RIMS1: variants seen among roughly 807,000 people sequenced by gnomAD.
RIMS1 encodes the protein regulating synaptic membrane exocytosis 1.
A neutral mutation model predicts 214.1 loss-of-function variants in RIMS1; 83 were observed. The observed-to-expected ratio is 0.39, with a 90% CI of 0.32 to 0.47. The LOEUF is 0.47. RIMS1 is among the 20% of genes least tolerant of loss of function. The probability of loss-of-function intolerance (pLI) is 0.99; values close to 1 mark genes in which losing one functional copy is unlikely to be tolerated. For synonymous variants in RIMS1, 793 were observed against 786.8 expected, an observed-to-expected ratio of 1.01 and a Z score of -0.13; for missense variants, 2,050 against 2,161.8, an observed-to-expected ratio of 0.95 and a Z score of 1.03.
chr6:72,247,853 A>G (rs1262050687), intron 11 of RIMS1, among the ~76,000 whole-genome samples, 162 bp from the exon 12 acceptor site: 1 of 152,156 alleles, frequency 6.6e-6, no homozygotes, highest in African/African-American at 2.4e-5. Flanking sequence ...CATTCTTAAT[A>G]TTTTTTAAAT....
rs3047577 is a variant in RIMS1, at chr6:72,196,377, GTCTATCTATCTATCTATCTA to G, written c.1678+13253_1678+13272del. Among the ~76,000 whole-genome samples the G allele has an allele frequency of 5.6e-5, 8 of 144,090 alleles. No homozygotes were observed. The East Asian group carries it at 8.0e-4, about 14-fold the overall frequency. 94.5% of individuals were successfully genotyped at this position (144,090 alleles called of 152,430 possible). A position where few individuals can be genotyped will look rare whatever the true frequency, so the allele number is the denominator to read the frequency against. On this transcript the variant is annotated intron_variant, in intron 6 of 33. Coordinates refer to ENST00000521978, the MANE Select transcript of RIMS1 (RefSeq NM_014989.7). ...TGTCTGTCTGTCTGTCTGTCTGTCT[GTCTATCTATCTATCTATCTA>G]TCTATCTATCTATCTATCTATCTAA...
chr6:72,170,142 A>G (rs908213905), intron 4 of RIMS1, among the ~76,000 whole-genome samples: 1 of 152,160 alleles, frequency 6.6e-6, no homozygotes, highest in African/African-American at 2.4e-5. Flanking sequence ...TGCTGTTTTT[A>G]CAGCCTGAGA....
chr6:72,346,498 C>T (rs985640950), intron 29 of RIMS1, among the ~76,000 whole-genome samples: 1 of 151,718 alleles, frequency 6.6e-6, no homozygotes, highest in Non-Finnish European at 1.5e-5. Flanking sequence ...TGTAAACAAA[C>T]ATGAAAGATG....
chr6:72,251,427 G>A, intron 15 of RIMS1, 59 bp downstream of exon 15: 1 of 1,227,332 alleles, frequency 8.1e-7, no homozygotes, highest in Non-Finnish European at 1.1e-6. Flanking sequence ...TCTAATTAGT[G>A]ATTAATAATT....
intron 2 of RIMS1, among the ~76,000 whole-genome samples, chr6:72,010,232 A>G (rs1230928080): frequency 6.6e-6 from 1 of 152,220 alleles, no homozygotes. Flanking sequence ...AAAAAAACAC[A>G]TGATTATCTC....
At chr6:71,940,511 T>A (rs1411711763) in intron 1 of RIMS1, among the ~76,000 whole-genome samples, 1 of 152,074 alleles carries the variant, frequency 6.6e-6, no homozygotes. Context: ...TGCCCACAAG[T>A]AAAGTGTGGT....
intron 2 of RIMS1, among the ~76,000 whole-genome samples, chr6:72,017,615 T>A (rs1407929539): frequency 2.6e-5 from 4 of 152,340 alleles, no homozygotes; most frequent in African/African-American, 7.2e-5. Flanking sequence ...TATTGGAAAC[T>A]GTTCTGGATT....
intron 4 of RIMS1, among the ~76,000 whole-genome samples, chr6:72,144,377 G>A (rs1199923333): frequency 6.6e-6 from 1 of 152,174 alleles, no homozygotes; most frequent in Non-Finnish European, 1.5e-5. Flanking sequence ...TAAAGAATGT[G>A]TCTCCTGTCT....
chr6:72,182,398 G>C lies in RIMS1; in HGVS notation c.927G>C (p.Glu309Asp). ...TGGAGGGGGCCGTCGAAGAACGGGAGCGCAAAGAAAGGCGGGAAAGCCGAA... is the reference window on the plus strand; with the variant it reads ...TGGAGGGGGCCGTCGAAGAACGGGACCGCAAAGAAAGGCGGGAAAGCCGAA... ...QPVEGAVEERERKERRESRRL... is the reference protein window; with the variant it reads ...QPVEGAVEERDRKERRESRRL... The change falls in exon 6 of 34, where the codon GAG becomes GAC. Residue 309 changes from glutamate (E) to aspartate (D), a missense_variant. Physicochemically the swap from Glu to Asp is conservative, Grantham distance 45. Coordinates refer to ENST00000521978, the MANE Select transcript of RIMS1 (RefSeq NM_014989.7). The C allele has an allele frequency of 1.2e-6, 2 of 1,613,954 alleles. No individual in the cohort carries two copies. The highest frequency in any genetic ancestry group is 2.2e-5 in the East Asian group (1 of 44,880).
At chr6:72,065,335 T>C (rs1829020515) in intron 2 of RIMS1, among the ~76,000 whole-genome samples, 1 of 152,174 alleles carries the variant, frequency 6.6e-6, no homozygotes, top group African/African-American at 2.4e-5. Context: ...CAACATCCCA[T>C]CGATATCTGC....
intron 29 of RIMS1, among the ~76,000 whole-genome samples, chr6:72,339,255 C>T (rs529151416): frequency 6.6e-6 from 1 of 151,380 alleles, no homozygotes; most frequent in African/African-American, 2.4e-5. Context: ...GGGAAGAGTA[C>T]TTTTTTTTCA....
intron 29 of RIMS1, among the ~76,000 whole-genome samples, chr6:72,348,785 AC>A (rs1030137656): frequency 2.0e-5 from 3 of 151,914 alleles, no homozygotes; most frequent in Non-Finnish European, 2.9e-5. Flanking sequence ...TAACTACTTT[AC>A]CATTACAGTA....
chr6:72,233,467 G>C (rs2062779144), intron 6 of RIMS1, among the ~76,000 whole-genome samples: 1 of 150,292 alleles, frequency 6.7e-6, no homozygotes, highest in African/African-American at 2.4e-5. Flanking sequence ...GGCTGGGTAT[G>C]GACTGTCCTT....
intron 29 of RIMS1, among the ~76,000 whole-genome samples, chr6:72,382,519 A>G (rs995256513): frequency 6.6e-6 from 1 of 152,218 alleles, no homozygotes; most frequent in Non-Finnish European, 1.5e-5. Context: ...ACTACACACA[A>G]TTGTATATGG....
At chr6:72,003,430 CATGAATGA>C (rs554101317) in intron 2 of RIMS1, among the ~76,000 whole-genome samples, 7 of 151,876 alleles carry the variant, frequency 4.6e-5, no homozygotes, top group Non-Finnish European at 7.4e-5. Flanking sequence ...TGGATGAATA[CATGAATGA>C]ATGAATGAAT....
intron 2 of RIMS1, among the ~76,000 whole-genome samples, chr6:71,987,573 C>A (rs1800394681): frequency 6.6e-6 from 1 of 152,138 alleles, no homozygotes; most frequent in South Asian, 2.1e-4. Context: ...ACATTCAGTT[C>A]ACAACAAATA....
chr6:72,335,166 C>T (rs1416357320), intron 29 of RIMS1, among the ~76,000 whole-genome samples: 2 of 151,892 alleles, frequency 1.3e-5, no homozygotes, highest in Admixed American at 1.3e-4. Flanking sequence ...CACCCATCAA[C>T]CCACACCTAC....
intron 1 of RIMS1, among the ~76,000 whole-genome samples, chr6:71,936,116 C>G (rs1300930321): frequency 1.3e-5 from 2 of 151,294 alleles, no homozygotes; most frequent in Non-Finnish European, 2.9e-5. Flanking sequence ...TTTGGGAAGC[C>G]GAGGCGGGCG....
chr6:72,193,791 G>A (rs902256749), intron 6 of RIMS1, among the ~76,000 whole-genome samples: 1 of 151,774 alleles, frequency 6.6e-6, no homozygotes, highest in South Asian at 2.1e-4. Flanking sequence ...TTTTGCCTGT[G>A]GTACTAATAC....
Sources: gnomAD v4.1 joint callset for allele counts (sites outside exome capture counted in the v4.1 genomes callset) on GRCh38, gnomAD v4.1.1 for gene constraint, MANE v1.5 for transcripts, NCBI Gene and HGNC (gene_info 2026-07-23, HGNC 2026-07-21) for gene names.